PDE4D: variants seen among roughly 807,000 people sequenced by gnomAD.
PDE4D encodes 3',5'-cyclic-AMP phosphodiesterase 4D.
In PDE4D, 24 loss-of-function variants were observed where a neutral mutation model predicts 87.4. That is an observed-to-expected ratio of 0.27 (90% CI 0.20 to 0.39). The LOEUF is 0.39. Among genes scored for constraint, PDE4D ranks in the 10% least tolerant of loss-of-function variants. PDE4D has a pLI of 1.00. For missense variants in PDE4D, 714 were observed against 1,041.0 expected, an observed-to-expected ratio of 0.69 and a Z score of 4.32; for synonymous variants, 384 against 383.2, an observed-to-expected ratio of 1.00 and a Z score of -0.02.
At chr5:59,610,090 GTGTC>G (rs1474711078) in intron 1 of PDE4D, among the ~76,000 whole-genome samples, 2 of 152,200 alleles carry the variant, frequency 1.3e-5, no homozygotes, top group Non-Finnish European at 1.5e-5. Flanking sequence ...AAACTGGTTG[GTGTC>G]TGCCGTTAGG....
At chr5:59,440,081 G>C (rs1177869610) in intron 1 of PDE4D, among the ~76,000 whole-genome samples, 1 of 152,114 alleles carries the variant, frequency 6.6e-6, no homozygotes, top group Non-Finnish European at 1.5e-5. Flanking sequence ...TAATGAAAGA[G>C]ATTCATTTTT....
chr5:59,188,017 C>A (rs556831151), intron 3 of PDE4D, among the ~76,000 whole-genome samples: 1 of 152,164 alleles, frequency 6.6e-6, no homozygotes, highest in East Asian at 1.9e-4. Flanking sequence ...GAGGGAGCAT[C>A]TGTTACTGCA....
At chr5:60,179,562 A>T (rs1179280520) in intron 2 of PDE4D, among the ~76,000 whole-genome samples, 1 of 152,126 alleles carries the variant, frequency 6.6e-6, no homozygotes, top group African/African-American at 2.4e-5. Context: ...TATGCAAGCT[A>T]TTGGAAGCAT....
chr5:60,498,309 A>G (rs1749912905), intron 1 of PDE4D, among the ~76,000 whole-genome samples: 1 of 152,176 alleles, frequency 6.6e-6, no homozygotes, highest in Non-Finnish European at 1.5e-5. Flanking sequence ...TAACTTGTCT[A>G]AAATCAACCA....
At chr5:59,214,032 TCACACACACACA>T (rs199738839) in intron 2 of PDE4D, among the ~76,000 whole-genome samples, 43 of 132,770 alleles carry the variant, frequency 3.2e-4, no homozygotes, top group East Asian at 1.5e-3. Flanking sequence ...CATACATACT[TCACACACACACA>T]CACACACACA....
intron 1 of PDE4D, among the ~76,000 whole-genome samples, chr5:59,666,765 C>T (rs1457753859): frequency 6.6e-6 from 1 of 152,206 alleles, no homozygotes; most frequent in Non-Finnish European, 1.5e-5. Flanking sequence ...CCCCTACAAC[C>T]CTCCTGACTT....
chr5:60,268,412 C>T (rs1215694628), intron 1 of PDE4D, among the ~76,000 whole-genome samples: 1 of 152,194 alleles, frequency 6.6e-6, no homozygotes, highest in East Asian at 1.9e-4. Context: ...TTTGGCACTA[C>T]TACAAAGAAT....
intron 2 of PDE4D, among the ~76,000 whole-genome samples, chr5:60,028,524 T>A (rs1766892803): frequency 6.6e-6 from 1 of 152,156 alleles, no homozygotes; most frequent in African/African-American, 2.4e-5. Context: ...TATCCACCAA[T>A]AAATCATGCT....
At chr5:60,403,746 C>T (rs1741287474) in intron 1 of PDE4D, among the ~76,000 whole-genome samples, 1 of 152,224 alleles carries the variant, frequency 6.6e-6, no homozygotes, top group African/African-American at 2.4e-5. Context: ...ACAACCTCTG[C>T]TTTCCCTCCT....
intron 3 of PDE4D, among the ~76,000 whole-genome samples, chr5:59,972,715 A>T (rs988290126): frequency 6.6e-6 from 1 of 152,184 alleles, no homozygotes; most frequent in Non-Finnish European, 1.5e-5. Flanking sequence ...ATCAAGGTTC[A>T]CTTTGAGAAC....
At chr5:60,019,103 A>C (rs1765794806) in intron 2 of PDE4D, among the ~76,000 whole-genome samples, 2 of 152,176 alleles carry the variant, frequency 1.3e-5, no homozygotes, top group African/African-American at 4.8e-5. Context: ...CTCCTCAGCA[A>C]ATGCAAATGA....
intron 1 of PDE4D, among the ~76,000 whole-genome samples, chr5:60,211,103 T>A (rs1314284398): frequency 6.6e-6 from 1 of 152,158 alleles, no homozygotes; most frequent in African/African-American, 2.4e-5. Flanking sequence ...GCCCTGTCAC[T>A]CTGCTGAAAT....
At chr5:59,046,151 G>A (rs980318791) in intron 5 of PDE4D, among the ~76,000 whole-genome samples, 5 of 152,172 alleles carry the variant, frequency 3.3e-5, no homozygotes, top group African/African-American at 9.7e-5. Context: ...TAAAATGTTC[G>A]ATAAAGCTAT....
rs1581920704 is a variant in PDE4D, at chr5:59,960,685, AG to A, written c.272+27802del. On this transcript the variant is annotated intron_variant, in intron 3 of 16. Transcript: ENST00000502484. ...TACACACATACATAACGATGGGAACAGTGACACAAGGAACTCAAAAAGAGGG... is the reference window on the plus strand; with the variant it reads ...TACACACATACATAACGATGGGAACATGACACAAGGAACTCAAAAAGAGGG... Among the ~76,000 whole-genome samples the A allele has an allele frequency of 2.0e-5, 3 of 152,248 alleles. No homozygotes were observed. In the East Asian group the frequency reaches 5.8e-4, roughly 29 times the overall value.
At chr5:59,141,745 C>G (rs7715622) in intron 5 of PDE4D, among the ~76,000 whole-genome samples, 1,641 of 152,338 alleles carry the variant, frequency 0.011, 32 homozygotes, top group African/African-American at 0.037. Flanking sequence ...TGGACATCGG[C>G]AGGCAGCCTA....
chr5:59,126,215 T>C (rs1439875586), intron 5 of PDE4D, among the ~76,000 whole-genome samples: 1 of 150,590 alleles, frequency 6.6e-6, no homozygotes. Flanking sequence ...TTTATAAACC[T>C]CAGACAAAAC....
At chr5:59,731,272 T>C (rs1360965965) in intron 1 of PDE4D, among the ~76,000 whole-genome samples, 2 of 152,060 alleles carry the variant, frequency 1.3e-5, no homozygotes. Flanking sequence ...ACAGACACCA[T>C]CCCTTCCTAC....
intron 1 of PDE4D, among the ~76,000 whole-genome samples, chr5:59,442,912 G>A (rs1169652035): frequency 2.6e-5 from 4 of 152,090 alleles, no homozygotes; most frequent in South Asian, 2.1e-4. Flanking sequence ...ATCTTGCTAC[G>A]AAAAGCAACT....
rs1186560487 is a variant in PDE4D at position 60,458,425 on chromosome 5, ATG to A, written c.-90+29515_-90+29516del. Among the ~76,000 whole-genome samples, 3 of 139,320 alleles carry A rather than the reference ATG, an allele frequency of 2.2e-5. No individual in the cohort carries two copies. The East Asian group carries it at 8.7e-4, about 40-fold the overall frequency. The allele number at this position is 139,320 out of a possible 152,430, so 91.4% of individuals were successfully genotyped here. A position where few individuals can be genotyped will look rare whatever the true frequency, so the allele number is the denominator to read the frequency against. On this transcript the variant is annotated intron_variant, in intron 1 of 16. Coordinates refer to the PDE4D transcript ENST00000502484. ...AAAAAAAAAGCAAAAGAAACAAAGA[ATG>A]TGTGTCATGTTGCTTGCTTAAATTC...
Sources: gnomAD v4.1 joint callset for allele counts (sites outside exome capture counted in the v4.1 genomes callset) on GRCh38, gnomAD v4.1.1 for gene constraint, MANE v1.5 for transcripts, NCBI Gene and HGNC (gene_info 2026-07-23, HGNC 2026-07-21) for gene names.